AQR: variants seen among roughly 807,000 people sequenced by gnomAD.
AQR encodes RNA helicase aquarius.
AQR carries 61 observed loss-of-function variants against 180.5 expected under a neutral mutation model. That is an observed-to-expected ratio of 0.34 (90% CI 0.28 to 0.42). AQR has a LOEUF of 0.42. Ranked by LOEUF, AQR falls within the 10% of genes least tolerant of loss-of-function variation. AQR has a pLI of 1.00. For synonymous variants in AQR, 551 were observed against 588.8 expected, an observed-to-expected ratio of 0.94 and a Z score of 0.93; for missense variants, 1,281 against 1,798.3, an observed-to-expected ratio of 0.71 and a Z score of 5.20.
chr15:34,964,402 G>C, intron 1 of AQR, 112 bp from the exon 2 acceptor site: 1 of 874,782 alleles, frequency 1.1e-6, no homozygotes, highest in Non-Finnish European at 1.9e-6. Flanking sequence ...TCGGCACTGG[G>C]GGACAGAGTA....
At chr15:34,942,997 C>A in intron 6 of AQR, 2 of 1,415,748 alleles carry the variant, frequency 1.4e-6, no homozygotes, top group South Asian at 1.2e-5. Context: ...ATAAAAAAAT[C>A]ACATCTATTT....
intron 12 of AQR, among the ~76,000 whole-genome samples, chr15:34,927,817 T>G (rs1343772523): frequency 6.6e-6 from 1 of 152,164 alleles, no homozygotes; most frequent in Non-Finnish European, 1.5e-5. Flanking sequence ...TTGCCATGAG[T>G]GAGCTTGCCA....
intron 13 of AQR, among the ~76,000 whole-genome samples, chr15:34,920,850 CGGGAGG>C (rs1168589886): frequency 6.6e-6 from 1 of 151,866 alleles, no homozygotes; most frequent in Non-Finnish European, 1.5e-5. Context: ...CCCAGCTACT[CGGGAGG>C]CTGAGGCAGG....
At chr15:34,920,790 C>G (rs952559903) in intron 13 of AQR, among the ~76,000 whole-genome samples, 1 of 152,086 alleles carries the variant, frequency 6.6e-6, no homozygotes, top group African/African-American at 2.4e-5. Flanking sequence ...AATTCCGTCT[C>G]TACTAAAAAT....
chr15:34,897,458 G>T, intron 21 of AQR, 101 bp downstream of exon 21: 1 of 1,369,652 alleles, frequency 7.3e-7, no homozygotes, highest in Non-Finnish European at 1.0e-6. Context: ...CAGGAGTTTT[G>T]TGGAGTTTTA....
chr15:34,904,808 A>C (rs1893386088), intron 18 of AQR, among the ~76,000 whole-genome samples: 1 of 152,032 alleles, frequency 6.6e-6, no homozygotes, highest in Non-Finnish European at 1.5e-5. Context: ...TTAGAAGTCA[A>C]AGAACTTATC....
At position 34,852,131 on chromosome 15, in the gene AQR, A is replaced by C. The variant is rs1294460489; in HGVS notation, c.*4661T>G. ...AAAGGGCGATTCACAGTTCTAGCCA[A>C]TGTAAAGATATTGGTTCCCAAGGAA... is the stretch of plus-strand genomic sequence containing the variant. On this transcript the variant is annotated 3_prime_UTR_variant, in exon 35 of 35. Transcript: ENST00000156471. 1 of 151,802 alleles carries C rather than the reference A, an allele frequency of 6.6e-6. No homozygotes were observed. The highest frequency in any genetic ancestry group is 1.5e-5 in the Non-Finnish European group (1 of 67,978). 9.4% of individuals were successfully genotyped at this position (151,802 alleles called of 1,614,324 possible). A position where few individuals can be genotyped will look rare whatever the true frequency, so the allele number is the denominator to read the frequency against.
intron 29 of AQR, 109 bp downstream of exon 29, chr15:34,874,568 C>G (rs540895830): frequency 1.5e-6 from 2 of 1,356,446 alleles, no homozygotes; most frequent in East Asian, 4.9e-5. Flanking sequence ...TAGCCAAGTT[C>G]CTGGATAGCC....
At chr15:34,960,743 C>T (rs1180759124) in intron 3 of AQR, 31 bp downstream of exon 3, 1 of 868,438 alleles carries the variant, frequency 1.2e-6, no homozygotes, top group Non-Finnish European at 1.8e-6. Context: ...CCACCCCAAT[C>T]ACATTGTATA....
chr15:34,931,572 C>G (rs1259103487), intron 11 of AQR, among the ~76,000 whole-genome samples: 2 of 152,116 alleles, frequency 1.3e-5, no homozygotes, highest in Non-Finnish European at 2.9e-5. Flanking sequence ...TTTTGGGAGG[C>G]CGAGGTGGCC....
Position 34,873,996 on chromosome 15 carries a change from C to A in AQR, c.3429G>T (p.Leu1143Phe). ...LDAQGRARASLCNLYNWRYKN... is the reference protein window; with the variant it reads ...LDAQGRARASFCNLYNWRYKN... Reference sequence around the variant, plus strand: ...TGTATCGCCAGTTGTAGAGGTTGCACAAGCTTTCCAAAGACAAATTCCCCC... The same window carrying A: ...TGTATCGCCAGTTGTAGAGGTTGCAAAAGCTTTCCAAAGACAAATTCCCCC... Residue 1143 changes from leucine to phenylalanine, a missense_variant, in exon 30 of 35, where the codon TTG (leucine) becomes TTT (phenylalanine). Physicochemically the swap from Leu to Phe is conservative, Grantham distance 22. Around this residue, in one of 9 missense-constraint regions of AQR, gnomAD observed 197 missense variants for 320.7 expected, o/e 0.61. Transcript: ENST00000156471. 6.3e-7 allele frequency: 1 copy of A among 1,589,906 alleles called. No individual in the cohort carries two copies. The highest frequency in any genetic ancestry group is 8.6e-7 in the Non-Finnish European group (1 of 1,167,950).
intron 3 of AQR, among the ~76,000 whole-genome samples, chr15:34,959,089 C>A (rs956187237): frequency 1.3e-5 from 2 of 152,174 alleles, no homozygotes; most frequent in African/African-American, 4.8e-5. Flanking sequence ...GAGCAGGGAT[C>A]GTATCTCCCC....
At chr15:34,923,751 C>T (rs1212868780) in intron 13 of AQR, among the ~76,000 whole-genome samples, 1 of 152,150 alleles carries the variant, frequency 6.6e-6, no homozygotes, top group East Asian at 1.9e-4. Flanking sequence ...TGGTCTATTT[C>T]TGGACTCTAA....
chr15:34,883,121 T>C (rs1034153855), intron 26 of AQR, among the ~76,000 whole-genome samples: 1 of 152,016 alleles, frequency 6.6e-6, no homozygotes, highest in Non-Finnish European at 1.5e-5. Flanking sequence ...GGGACTGTAG[T>C]CACACAAAAA....
At chr15:34,862,572 A>T (rs1353011948) in intron 33 of AQR, among the ~76,000 whole-genome samples, 1 of 152,004 alleles carries the variant, frequency 6.6e-6, no homozygotes, top group Non-Finnish European at 1.5e-5. Context: ...TTATTTATTT[A>T]TTTTTTATAG....
intron 27 of AQR, among the ~76,000 whole-genome samples, chr15:34,877,294 G>A (rs1382599097): frequency 6.6e-6 from 1 of 152,102 alleles, no homozygotes; most frequent in Non-Finnish European, 1.5e-5. Context: ...TTGAATCTAA[G>A]TACACATTAG....
In AQR at chr15:34,969,677, G is replaced by T; in HGVS notation, c.-64C>A. The T allele has an allele frequency of 6.5e-7, 1 of 1,538,116 alleles. No individual in the cohort carries two copies. The highest frequency in any genetic ancestry group is 8.8e-7 in the Non-Finnish European group (1 of 1,135,866). On this transcript the variant is annotated 5_prime_UTR_variant, in exon 1 of 35. Coordinates refer to ENST00000156471, the MANE Select transcript of AQR (RefSeq NM_014691.3). ...ACCGCTCTGGGCAGCGGCAACCCTGGTCCACTTCCCTTAAGTTACTGCCGG... is the reference window on the plus strand; with the variant it reads ...ACCGCTCTGGGCAGCGGCAACCCTGTTCCACTTCCCTTAAGTTACTGCCGG...
intron 1 of AQR, among the ~76,000 whole-genome samples, chr15:34,968,700 GA>G (rs2050326593): frequency 6.6e-6 from 1 of 152,290 alleles, no homozygotes; most frequent in East Asian, 1.9e-4. Flanking sequence ...GGTCCAGGCA[GA>G]AAACAATGGC....
intron 8 of AQR, 63 bp from the exon 9 acceptor site, chr15:34,938,876 T>G: frequency 8.1e-7 from 1 of 1,228,314 alleles, no homozygotes; most frequent in Non-Finnish European, 1.2e-6. Context: ...AAGTAAACTT[T>G]AAATGTTGAC....
Sources: allele counts gnomAD v4.1 joint callset (sites outside exome capture counted in the v4.1 genomes callset), GRCh38; gene constraint gnomAD v4.1.1; regional missense constraint gnomAD v4.1.1; transcripts MANE v1.5; gene names NCBI Gene and HGNC (gene_info 2026-07-23, HGNC 2026-07-21).